KCNJ6: variants seen among roughly 807,000 people sequenced by gnomAD.
The protein encoded by KCNJ6 is G protein-activated inward rectifier potassium channel 2.
In KCNJ6, 9 loss-of-function variants were observed where a neutral mutation model predicts 34.2. The observed-to-expected ratio is 0.26, with a 90% CI of 0.16 to 0.46. The LOEUF (loss-of-function observed/expected upper bound fraction) is 0.46. KCNJ6 is among the 20% of genes least tolerant of loss of function. The probability of loss-of-function intolerance (pLI) is 1.00; values close to 1 mark genes in which losing one functional copy is unlikely to be tolerated. For synonymous variants in KCNJ6, 196 were observed against 207.1 expected (o/e 0.95, Z 0.46); for missense variants, 236 against 531.3 (o/e 0.44, Z 5.46).
At chr21:37,651,625 G>A (rs559867392) in intron 3 of KCNJ6, among the ~76,000 whole-genome samples, 109 of 152,282 alleles carry the variant, frequency 7.2e-4, no homozygotes, top group African/African-American at 2.6e-3. Flanking sequence ...ATGGGGACAG[G>A]GAACATACAA....
At chr21:37,780,077 TA>T (rs1388967691) in intron 2 of KCNJ6, among the ~76,000 whole-genome samples, 1 of 152,144 alleles carries the variant, frequency 6.6e-6, no homozygotes, top group African/African-American at 2.4e-5. Flanking sequence ...GGATAAGAAT[TA>T]TTACCTTGAA....
chr21:37,647,698 A>G (rs865850407), intron 3 of KCNJ6, among the ~76,000 whole-genome samples: 1 of 152,202 alleles, frequency 6.6e-6, no homozygotes, highest in Non-Finnish European at 1.5e-5. Flanking sequence ...GCTGACCAGC[A>G]TCATCCATTC....
intron 3 of KCNJ6, among the ~76,000 whole-genome samples, chr21:37,641,297 T>C (rs1750714232): frequency 6.6e-6 from 1 of 152,170 alleles, no homozygotes; most frequent in Admixed American, 6.5e-5. Context: ...TGGTAATAAT[T>C]TCATTTATTT....
chr21:37,816,067 A>T (rs2055345322), intron 2 of KCNJ6, among the ~76,000 whole-genome samples: 1 of 152,152 alleles, frequency 6.6e-6, no homozygotes, highest in South Asian at 2.1e-4. Flanking sequence ...TGGCCTCTGA[A>T]GGGAACCAAG....
chr21:37,816,735 G>A (rs1337388321), intron 2 of KCNJ6, among the ~76,000 whole-genome samples: 2 of 152,140 alleles, frequency 1.3e-5, no homozygotes, highest in African/African-American at 4.8e-5. Flanking sequence ...GTGGATGGTG[G>A]GGATGCATGC....
intron 3 of KCNJ6, among the ~76,000 whole-genome samples, chr21:37,709,945 T>C (rs2054742607): frequency 6.6e-6 from 1 of 152,234 alleles, no homozygotes; most frequent in Admixed American, 6.5e-5. Context: ...TCCGATTAAT[T>C]GGCCTTGCCT....
At chr21:37,819,455 G>A (rs1302635931) in intron 2 of KCNJ6, among the ~76,000 whole-genome samples, 1 of 151,916 alleles carries the variant, frequency 6.6e-6, no homozygotes, top group Non-Finnish European at 1.5e-5. Context: ...AATGCTTGGA[G>A]ATTGAAATTC....
At chr21:37,713,814 A>AGGCTTCCTTTGAAAGGCTT (rs1229875298) in intron 3 of KCNJ6, among the ~76,000 whole-genome samples, 29 of 152,224 alleles carry the variant, frequency 1.9e-4, no homozygotes, top group African/African-American at 6.8e-4. Context: ...GCAGTTTGTC[A>AGGCTTCCTTTGAAAGGCTT]GGCTTCCTTT....
intron 2 of KCNJ6, among the ~76,000 whole-genome samples, chr21:37,817,535 G>A (rs544906783): frequency 6.6e-6 from 1 of 152,320 alleles, no homozygotes; most frequent in East Asian, 1.9e-4. Flanking sequence ...AGACTGTGAG[G>A]AGGTTAGATC....
At chr21:37,905,948 C>T (rs113641149) in intron 1 of KCNJ6, among the ~76,000 whole-genome samples, 2,994 of 152,304 alleles carry the variant, frequency 0.02, 42 homozygotes, top group Non-Finnish European at 0.03. Context: ...ATAACTCTTC[C>T]TCACTTGACT....
chr21:37,724,359 A>G (rs529147297), intron 2 of KCNJ6, among the ~76,000 whole-genome samples: 1 of 152,188 alleles, frequency 6.6e-6, no homozygotes, highest in Non-Finnish European at 1.5e-5. Flanking sequence ...AACACGCACA[A>G]CTATTACTAG....
intron 2 of KCNJ6, among the ~76,000 whole-genome samples, chr21:37,724,598 G>A (rs558260292): frequency 9.9e-5 from 15 of 152,138 alleles, no homozygotes; most frequent in African/African-American, 3.6e-4. Flanking sequence ...ACCCAATGGC[G>A]GTTGGGTAGT....
intron 3 of KCNJ6, among the ~76,000 whole-genome samples, chr21:37,708,975 T>C (rs1453885507): frequency 6.6e-6 from 1 of 152,220 alleles, no homozygotes; most frequent in African/African-American, 2.4e-5. Context: ...AAATCAGACC[T>C]GACAGAACAT....
intron 3 of KCNJ6, among the ~76,000 whole-genome samples, chr21:37,709,998 C>T (rs1031965986): frequency 2.6e-5 from 4 of 152,162 alleles, no homozygotes; most frequent in African/African-American, 9.7e-5. Flanking sequence ...ATCCTCCACT[C>T]TCCCCAGTGT....
intron 2 of KCNJ6, among the ~76,000 whole-genome samples, chr21:37,782,740 T>C (rs2123513964): frequency 6.6e-6 from 1 of 152,276 alleles, no homozygotes; most frequent in Admixed American, 6.5e-5. Context: ...ACACCTCTTT[T>C]CTAGTTCTTG....
chr21:37,894,281 G>A (rs1229099985), intron 1 of KCNJ6, among the ~76,000 whole-genome samples: 3 of 152,256 alleles, frequency 2.0e-5, no homozygotes, highest in Admixed American at 1.3e-4. Flanking sequence ...CCCCACCCCC[G>A]ATCTACTGAA....
intron 1 of KCNJ6, among the ~76,000 whole-genome samples, chr21:37,861,469 A>C (rs924704760): frequency 2.0e-5 from 3 of 152,184 alleles, no homozygotes; most frequent in Admixed American, 6.5e-5. Context: ...ACTTCTTTAA[A>C]GGCTCTATCT....
At chr21:37,859,487 TTATATATATATATATATATA>T (rs55859652) in intron 1 of KCNJ6, among the ~76,000 whole-genome samples, 1,591 of 84,292 alleles carry the variant, frequency 0.019, 120 homozygotes, top group African/African-American at 0.07. Context: ...TTATATTACT[TTATATATATATATATATATA>T]TATATATATA....
intron 3 of KCNJ6, among the ~76,000 whole-genome samples, chr21:37,698,659 G>A (rs1040201051): frequency 3.3e-5 from 5 of 151,128 alleles, no homozygotes; most frequent in African/African-American, 1.2e-4. Flanking sequence ...AGCCTCTCTA[G>A]TAGCTGAGAC....
Sources: allele counts gnomAD v4.1 joint callset (sites outside exome capture counted in the v4.1 genomes callset), GRCh38; gene constraint gnomAD v4.1.1; transcripts MANE v1.5; gene names NCBI Gene and HGNC (gene_info 2026-07-23, HGNC 2026-07-21).